The following SCHIP1 variants were observed in gnomAD, a reference collection of about 807,000 sequenced individuals.
SCHIP1 encodes the protein schwannomin-interacting protein 1.
In SCHIP1, 8 loss-of-function variants were observed where a neutral mutation model predicts 29.7. The ratio of observed to expected loss-of-function variants is 0.27; its 90% CI spans 0.16 to 0.49. The LOEUF is 0.49. SCHIP1 is among the 20% of genes least tolerant of loss of function. The pLI, the probability that SCHIP1 is intolerant of heterozygous loss-of-function variation, is 0.99. For synonymous variants in SCHIP1, 76 were observed against 94.9 expected (o/e 0.80, Z 1.16); for missense variants, 193 against 294.6 (o/e 0.66, Z 2.52).
At chr3:159,563,286 T>C in the SCHIP1 span, among the ~76,000 whole-genome samples, 1 of 152,156 alleles carries the variant, frequency 6.6e-6, no homozygotes, top group Non-Finnish European at 1.5e-5. Context: ...ATTCTCAATA[T>C]AGACACTTGG....
At chr3:159,643,245 G>A in the SCHIP1 span, among the ~76,000 whole-genome samples, 1 of 152,062 alleles carries the variant, frequency 6.6e-6, no homozygotes, top group Non-Finnish European at 1.5e-5. Context: ...GTACAATGCT[G>A]GCTGTTTCCC....
At chr3:159,674,097 T>C in the SCHIP1 span, among the ~76,000 whole-genome samples, 6 of 152,342 alleles carry the variant, frequency 3.9e-5, no homozygotes, top group East Asian at 1.2e-3. Context: ...TTTCCAAATA[T>C]AACTCATCTG....
At chr3:159,422,553 C>A in the SCHIP1 span, among the ~76,000 whole-genome samples, 3 of 152,154 alleles carry the variant, frequency 2.0e-5, no homozygotes, top group African/African-American at 7.2e-5. Flanking sequence ...TGCAACAACA[C>A]CCAGATCAAG....
the SCHIP1 span, among the ~76,000 whole-genome samples, chr3:159,368,012 C>G: frequency 3.9e-5 from 6 of 152,240 alleles, no homozygotes; most frequent in East Asian, 1.2e-3. Context: ...TTCCAACTTT[C>G]TAACTATTGT....
chr3:159,534,000 T>C, the SCHIP1 span, among the ~76,000 whole-genome samples: 1 of 152,204 alleles, frequency 6.6e-6, no homozygotes, highest in African/African-American at 2.4e-5. Flanking sequence ...TGCCTCCTTG[T>C]TATTGCAAAT....
At chr3:159,723,827 A>AC in the SCHIP1 span, among the ~76,000 whole-genome samples, 1 of 152,244 alleles carries the variant, frequency 6.6e-6, no homozygotes, top group South Asian at 2.1e-4. Context: ...TTTCAAATGA[A>AC]AGATACTTTG....
At chr3:159,516,178 T>C in the SCHIP1 span, among the ~76,000 whole-genome samples, 1 of 152,138 alleles carries the variant, frequency 6.6e-6, no homozygotes, top group Non-Finnish European at 1.5e-5. Flanking sequence ...TTCATTTATT[T>C]CTTATAAGTG....
chr3:159,291,699 A>C, the SCHIP1 span, among the ~76,000 whole-genome samples: 80 of 152,302 alleles, frequency 5.3e-4, no homozygotes, highest in Admixed American at 4.6e-3. Flanking sequence ...ACCACAGTAC[A>C]TATCCCTGTA....
chr3:159,553,918 A>G, the SCHIP1 span, among the ~76,000 whole-genome samples: 2 of 150,906 alleles, frequency 1.3e-5, no homozygotes, highest in African/African-American at 2.4e-5. Flanking sequence ...CTTCTGCCTC[A>G]GCCTCCTGAG....
the SCHIP1 span, among the ~76,000 whole-genome samples, chr3:159,743,632 C>T: frequency 2.0e-5 from 3 of 152,274 alleles, no homozygotes; most frequent in African/African-American, 7.2e-5. Flanking sequence ...TAGTTTGAAT[C>T]AAGTTGTAAA....
chr3:159,824,492 TA>T, the SCHIP1 span, among the ~76,000 whole-genome samples: 1 of 152,222 alleles, frequency 6.6e-6, no homozygotes, highest in Non-Finnish European at 1.5e-5. Flanking sequence ...CCTACACAGA[TA>T]TAGCCATCAA....
the SCHIP1 span, among the ~76,000 whole-genome samples, chr3:159,704,879 TC>T: frequency 1.2e-5 from 1 of 84,300 alleles, no homozygotes; most frequent in Admixed American, 1.2e-4. Context: ...TTTCTTTCTT[TC>T]TTTCTTTCTT....
At chr3:159,369,024 T>G in the SCHIP1 span, among the ~76,000 whole-genome samples, 9 of 152,182 alleles carry the variant, frequency 5.9e-5, no homozygotes, top group Admixed American at 2.6e-4. Context: ...ACAAGCAATG[T>G]AAGAGAAGTG....
the SCHIP1 span, among the ~76,000 whole-genome samples, chr3:159,451,246 GTTAT>G: frequency 6.6e-6 from 1 of 152,208 alleles, no homozygotes; most frequent in Admixed American, 6.5e-5. Flanking sequence ...CACGTGGGTG[GTTAT>G]TTGTTTTTAT....
At chr3:159,897,018 A>G (rs1456160320) in exon 7 of SCHIP1, 1 of 336,258 alleles carries the variant, frequency 3.0e-6, no homozygotes, top group Non-Finnish European at 5.4e-6. Flanking sequence ...CACCACCACA[A>G]ATCATGGTTA....
the SCHIP1 span, among the ~76,000 whole-genome samples, chr3:159,283,828 A>T: frequency 6.6e-6 from 1 of 152,228 alleles, no homozygotes; most frequent in Non-Finnish European, 1.5e-5. Flanking sequence ...TATTGATTAG[A>T]AAATTCAACC....
chr3:159,601,847 C>T, the SCHIP1 span, among the ~76,000 whole-genome samples: 10 of 152,346 alleles, frequency 6.6e-5, no homozygotes, highest in East Asian at 1.7e-3. Context: ...TGCTGCAGAC[C>T]TCCAAGTGGT....
At chr3:159,334,233 G>T in the SCHIP1 span, among the ~76,000 whole-genome samples, 1 of 152,282 alleles carries the variant, frequency 6.6e-6, no homozygotes, top group East Asian at 1.9e-4. Flanking sequence ...CGAAGAGGTT[G>T]TTGGCGAGAC....
chr3:159,426,811 C>G, the SCHIP1 span, among the ~76,000 whole-genome samples: 3 of 152,174 alleles, frequency 2.0e-5, no homozygotes, highest in Non-Finnish European at 1.5e-5. Flanking sequence ...CTGAATCCAG[C>G]AGCACATCAA....
Sources: gnomAD v4.1 joint callset for allele counts (sites outside exome capture counted in the v4.1 genomes callset) on GRCh38, gnomAD v4.1.1 for gene constraint, MANE v1.5 for transcripts, NCBI Gene and HGNC (gene_info 2026-07-23, HGNC 2026-07-21) for gene names.